Variants in SMG9 observed in about 807,000 individuals in gnomAD.
SMG9 encodes SMG9 nonsense mediated mRNA decay factor.
A neutral mutation model predicts 64.0 loss-of-function variants in SMG9; 55 were observed. That is an observed-to-expected ratio of 0.86 (90% CI 0.69 to 1.08). The LOEUF (loss-of-function observed/expected upper bound fraction) is 1.08, where lower values mean the gene tolerates loss of function less well. SMG9 is among the 50% of genes least tolerant of loss of function. SMG9 has a pLI of 0.00. For synonymous variants in SMG9, 244 were observed against 254.8 expected (o/e 0.96, Z 0.41); for missense variants, 554 against 681.3 (o/e 0.81, Z 2.08).
rs764839227 is a variant in SMG9, at chr19:43,733,005, G to C, written c.1340-3C>G. On this transcript the variant is annotated splice_polypyrimidine_tract_variant and splice_region_variant and intron_variant, in intron 12 of 13. Transcript: ENST00000270066. ...GAAGAGTGGGCTGGAACCAGGTCCTGGAAAGTTGGGGCAGGGAGGGTAAGA... is the reference window on the plus strand; with the variant it reads ...GAAGAGTGGGCTGGAACCAGGTCCTCGAAAGTTGGGGCAGGGAGGGTAAGA... 3.7e-6 allele frequency: 6 copies of C among 1,606,632 alleles called. No individual in the cohort carries two copies. The East Asian group carries it at 1.3e-4, about 36-fold the overall frequency.
chr19:43,746,017 A>C, intron 5 of SMG9, among the ~76,000 whole-genome samples: 1 of 151,310 alleles, frequency 6.6e-6, no homozygotes, highest in East Asian at 1.9e-4. Flanking sequence ...AACAAAAAAA[A>C]AAACAACTAT....
At chr19:43,745,949 C>T (rs901609308) in intron 5 of SMG9, among the ~76,000 whole-genome samples, 2 of 151,922 alleles carry the variant, frequency 1.3e-5, no homozygotes, top group South Asian at 2.1e-4. Flanking sequence ...TGCGGTGAGC[C>T]GAGATCGTGC....
rs567883426 is a variant in SMG9 at position 43,748,572 on chromosome 19, G to C, written c.151-520C>G. ...GGCAGGTGCTCACTATGTGAGAGCT[G>C]CTGGTGGCACTTGCTATCCTGATCA... On this transcript the variant is annotated intron_variant, in intron 2 of 13. Coordinates refer to ENST00000270066, the MANE Select transcript of SMG9 (RefSeq NM_019108.4). The C allele has an allele frequency of 7.3e-5, 36 of 490,910 alleles. 1 individual carries two copies. Among genetic ancestry groups the C allele is most frequent in the South Asian group, 5.3e-4 (35 of 66,482 alleles). The allele number at this position is 490,910 out of a possible 1,614,324, so 30.4% of individuals were successfully genotyped here. A position where few individuals can be genotyped will look rare whatever the true frequency, so the allele number is the denominator to read the frequency against.
Position 43,747,779 on chromosome 19 carries a change from C to T in SMG9, c.344G>A (p.Gly115Asp). Reference protein sequence around the residue: ...EEGKGPVAVTGASTPEGTAPP... With the variant: ...EEGKGPVAVTDASTPEGTAPP... ...GGCGGTGCCCTCAGGGGTAGAGGCACCTGTCACGGCCACAGGCCCCTTCCC... is the reference window on the plus strand; with the variant it reads ...GGCGGTGCCCTCAGGGGTAGAGGCATCTGTCACGGCCACAGGCCCCTTCCC... Residue 115 changes from glycine (G) to aspartate (D), a missense_variant, in exon 4 of 14, where the codon GGT (glycine) becomes GAT (aspartate). Transcript: ENST00000270066. 1 of 1,607,332 alleles carries T rather than the reference C, an allele frequency of 6.2e-7. No homozygotes were observed. Among genetic ancestry groups the T allele is most frequent in the Non-Finnish European group, 8.5e-7 (1 of 1,177,052 alleles).
chr19:43,749,718 G>T (rs1969136002), intron 2 of SMG9, among the ~76,000 whole-genome samples: 1 of 152,210 alleles, frequency 6.6e-6, no homozygotes, highest in African/African-American at 2.4e-5. Context: ...GCAGGTTCTG[G>T]CAGTGAGTCA....
At chr19:43,736,574 C>G (rs970192943) in intron 9 of SMG9, among the ~76,000 whole-genome samples, 3 of 152,174 alleles carry the variant, frequency 2.0e-5, no homozygotes, top group African/African-American at 4.8e-5. Flanking sequence ...GGAGGGCACA[C>G]GAGCCTGAAG....
intron 9 of SMG9, among the ~76,000 whole-genome samples, chr19:43,736,606 CG>C (rs776450052): frequency 6.6e-6 from 1 of 152,192 alleles, no homozygotes; most frequent in Non-Finnish European, 1.5e-5. Context: ...CAAAACTCCA[CG>C]GATCAGACAA....
chr19:43,752,599 AG>A (rs1969222571), intron 1 of SMG9, among the ~76,000 whole-genome samples: 1 of 152,200 alleles, frequency 6.6e-6, no homozygotes, highest in Admixed American at 6.5e-5. Flanking sequence ...TGGCCTTAAC[AG>A]AAAGTTTTAC....
Position 43,737,948 on chromosome 19 carries a change from G to A in SMG9, c.909+174C>T. The A allele has an allele frequency of 4.3e-6, 3 of 691,576 alleles. No homozygotes were observed. In the South Asian group the frequency reaches 5.3e-5, roughly 12 times the overall value. 42.8% of individuals were successfully genotyped at this position (691,576 alleles called of 1,614,324 possible). On this transcript the variant is annotated intron_variant, in intron 8 of 13. Transcript: ENST00000270066. ...ATGACTTGCCTGAGGGGCAGAGCCA[G>A]GAGTTGAGCCAGTCCTGACTCTCAG...
At chr19:43,732,540 C>G (rs1334875006) in intron 13 of SMG9, 2 of 340,376 alleles carry the variant, frequency 5.9e-6, no homozygotes, top group African/African-American at 4.3e-5. Flanking sequence ...TCCTAGCAAT[C>G]AAATGACTCC....
rs1487631407 is a variant in SMG9, at chr19:43,730,875, T to A, written c.*721A>T. ...GAGCCACCATGCCCAGCCTAGGCAC[T>A]GTATTTAACTGGGCATTTAACCCAA... On this transcript the variant is annotated 3_prime_UTR_variant, in exon 14 of 14. Coordinates refer to ENST00000270066, the MANE Select transcript of SMG9 (RefSeq NM_019108.4). 1 of 153,452 alleles carries A rather than the reference T, an allele frequency of 6.5e-6. No homozygotes were observed. Among genetic ancestry groups the A allele is most frequent in the Admixed American group, 6.5e-5 (1 of 15,284 alleles). The allele number at this position is 153,452 out of a possible 1,614,324, so 9.5% of individuals were successfully genotyped here. A position where few individuals can be genotyped will look rare whatever the true frequency, so the allele number is the denominator to read the frequency against.
chr19:43,739,323 T>G (rs1208438592), intron 7 of SMG9, among the ~76,000 whole-genome samples: 1 of 152,250 alleles, frequency 6.6e-6, no homozygotes, highest in Admixed American at 6.5e-5. Context: ...CTTGCATCGA[T>G]GCACTGAAAC....
Position 43,750,587 on chromosome 19 carries a change from C to A in SMG9, c.150+5G>T. The A allele has an allele frequency of 6.2e-7, 1 of 1,608,246 alleles. No individual in the cohort carries two copies. Among genetic ancestry groups the A allele is most frequent in the Non-Finnish European group, 8.5e-7 (1 of 1,176,736 alleles). On this transcript the variant is annotated splice_donor_5th_base_variant and intron_variant, in intron 2 of 13. Transcript: ENST00000270066. ...TGAATGCTGCTCCTGGGTCCAGACA[C>A]TCACCCTTCTCTCTCTTTCCCATGG...
intron 9 of SMG9, among the ~76,000 whole-genome samples, chr19:43,737,011 C>T (rs537413007): frequency 2.6e-5 from 4 of 152,298 alleles, no homozygotes; most frequent in African/African-American, 7.2e-5. Flanking sequence ...CGGTGGCTCA[C>T]GCCTATAATT....
At position 43,733,306 on chromosome 19, in the gene SMG9, T is replaced by TG. The variant is rs1280347216; in HGVS notation, c.1339+17dup. The TG allele has an allele frequency of 6.2e-7, 1 of 1,613,308 alleles. No homozygotes were observed. The highest frequency in any genetic ancestry group is 8.5e-7 in the Non-Finnish European group (1 of 1,179,590). ...GATAGGACTTGTCTCTCCATGAACC[T>TG]GTTGAGGGTAACTGTACCTGCTCTT... is the stretch of plus-strand genomic sequence containing the variant. On this transcript the variant is annotated intron_variant, in intron 12 of 13. Transcript: ENST00000270066.
rs761815994 is a variant in SMG9, at chr19:43,734,458, G to A, written c.1033C>T (p.Pro345Ser). Reference protein sequence around the residue: ...QTAEMVKPSTPSPSHESSSSS... With the variant: ...QTAEMVKPSTSSPSHESSSSS... Reference sequence around the variant, plus strand: ...CTGCTGGACTCGTGGCTGGGGGATGGGGTGGAGGGCTTCACCATCTCTGCT... The same window carrying A: ...CTGCTGGACTCGTGGCTGGGGGATGAGGTGGAGGGCTTCACCATCTCTGCT... Residue 345 changes from proline (P) to serine (S), a missense_variant, in exon 10 of 14, where the codon CCA (proline) becomes TCA (serine). By Grantham distance (74) the Pro-to-Ser change is moderately conservative. Coordinates refer to ENST00000270066, the MANE Select transcript of SMG9 (RefSeq NM_019108.4). 8.3e-6 allele frequency: 13 copies of A among 1,562,308 alleles called. No homozygotes were observed. The highest frequency in any genetic ancestry group is 1.1e-5 in the Non-Finnish European group (13 of 1,152,822).
At chr19:43,737,376 G>A (rs1188704898) in intron 9 of SMG9, among the ~76,000 whole-genome samples, 1 of 152,218 alleles carries the variant, frequency 6.6e-6, no homozygotes, top group Non-Finnish European at 1.5e-5. Flanking sequence ...AGCCATGCAC[G>A]GGCAGACTTT....
chr19:43,737,724 G>A (rs753625944), intron 8 of SMG9, 42 bp from the exon 9 acceptor site: 7 of 1,593,622 alleles, frequency 4.4e-6, no homozygotes, highest in South Asian at 2.2e-5. Flanking sequence ...GACCTCTTCT[G>A]CCCAGACTAA....
In SMG9 at chr19:43,737,754, G is replaced by A. The variant is rs1968719727; in HGVS notation, c.910-72C>T. 2.7e-6 allele frequency: 4 copies of A among 1,490,960 alleles called. No individual in the cohort carries two copies. In the African/African-American group the frequency reaches 4.1e-5, roughly 15 times the overall value. The allele number at this position is 1,490,960 out of a possible 1,614,324, so 92.4% of individuals were successfully genotyped here. On this transcript the variant is annotated intron_variant, in intron 8 of 13. Transcript: ENST00000270066. ...GACTAATCAGGAGTCCCTGATCCCAGGACTCAGTTCAGGAGGCAGCAAGGC... is the reference window on the plus strand; with the variant it reads ...GACTAATCAGGAGTCCCTGATCCCAAGACTCAGTTCAGGAGGCAGCAAGGC...
Sources: gnomAD v4.1 joint callset for allele counts (sites outside exome capture counted in the v4.1 genomes callset) on GRCh38, gnomAD v4.1.1 for gene constraint, MANE v1.5 for transcripts, NCBI Gene and HGNC (gene_info 2026-07-23, HGNC 2026-07-21) for gene names.